Variants in GSK3B observed in about 807,000 individuals in gnomAD.
GSK3B encodes the protein glycogen synthase kinase-3 beta.
Under a neutral mutation model 56.4 loss-of-function variants are expected in GSK3B, and 15 were observed. That is an observed-to-expected ratio of 0.27 (90% CI 0.18 to 0.41). The LOEUF (loss-of-function observed/expected upper bound fraction) is 0.41, where lower values mean the gene tolerates loss of function less well. Ranked by LOEUF, GSK3B falls within the 10% of genes least tolerant of loss-of-function variation. The probability of loss-of-function intolerance (pLI) is 1.00; values close to 1 mark genes in which losing one functional copy is unlikely to be tolerated. For missense variants in GSK3B, 300 were observed against 513.4 expected (o/e 0.58, Z 4.02); for synonymous variants, 181 against 188.9 (o/e 0.96, Z 0.34).
intron 1 of GSK3B, among the ~76,000 whole-genome samples, chr3:120,018,645 A>G (rs2057847278): frequency 1.3e-5 from 2 of 152,236 alleles, no homozygotes; most frequent in Admixed American, 1.3e-4. Flanking sequence ...AATAATTTAC[A>G]TTCTAAAATA....
chr3:119,964,617 AGTT>A (rs1462005818), intron 2 of GSK3B, among the ~76,000 whole-genome samples: 2 of 152,282 alleles, frequency 1.3e-5, no homozygotes, highest in East Asian at 1.9e-4. Flanking sequence ...AGATATGGAG[AGTT>A]GTTGTTCAAC....
intron 2 of GSK3B, among the ~76,000 whole-genome samples, chr3:119,965,406 G>A (rs1003540988): frequency 2.0e-5 from 3 of 149,194 alleles, no homozygotes; most frequent in African/African-American, 7.4e-5. Context: ...CTCTATAAAA[G>A]AGACTAGGTT....
intron 1 of GSK3B, among the ~76,000 whole-genome samples, chr3:120,088,658 C>T (rs2058485864): frequency 6.6e-6 from 1 of 152,200 alleles, no homozygotes; most frequent in Non-Finnish European, 1.5e-5. Flanking sequence ...AAAAAATCAG[C>T]TAGAAAATGA....
chr3:119,930,451 T>C (rs1264997631), intron 3 of GSK3B, among the ~76,000 whole-genome samples: 2 of 152,052 alleles, frequency 1.3e-5, no homozygotes, highest in East Asian at 1.9e-4. Context: ...CATCATGGGA[T>C]AGATTTGGCT....
intron 1 of GSK3B, among the ~76,000 whole-genome samples, chr3:120,045,333 T>C (rs1012423452): frequency 4.6e-5 from 7 of 152,222 alleles, no homozygotes; most frequent in African/African-American, 1.4e-4. Context: ...CCATGCCTCC[T>C]TGCCTCTAGT....
intron 1 of GSK3B, among the ~76,000 whole-genome samples, chr3:120,052,679 A>T (rs1437284793): frequency 6.6e-6 from 1 of 152,238 alleles, no homozygotes; most frequent in East Asian, 1.9e-4. Context: ...TAAAATTTGC[A>T]ATATGACTCT....
intron 1 of GSK3B, among the ~76,000 whole-genome samples, chr3:120,089,277 G>A (rs1358760353): frequency 6.6e-6 from 1 of 152,136 alleles, no homozygotes; most frequent in Non-Finnish European, 1.5e-5. Context: ...ACAGGTGCAT[G>A]CAACAAGAAA....
intron 1 of GSK3B, among the ~76,000 whole-genome samples, chr3:120,038,874 TGAAA>T (rs564945121): frequency 4.1e-4 from 62 of 151,010 alleles, no homozygotes; most frequent in Admixed American, 7.2e-4. Flanking sequence ...TTCTGCTCTT[TGAAA>T]GAAAGACACT....
At chr3:119,892,484 T>C (rs767094741) in intron 7 of GSK3B, among the ~76,000 whole-genome samples, 2 of 152,196 alleles carry the variant, frequency 1.3e-5, no homozygotes, top group Non-Finnish European at 2.9e-5. Flanking sequence ...ACAGCACTAC[T>C]CTGAGTGAAA....
At chr3:120,068,923 T>C (rs1043007679) in intron 1 of GSK3B, among the ~76,000 whole-genome samples, 1 of 152,000 alleles carries the variant, frequency 6.6e-6, no homozygotes, top group Admixed American at 6.6e-5. Context: ...CACTATCTGT[T>C]TGGGAGTACC....
chr3:119,960,851 G>A (rs556967015), intron 2 of GSK3B, among the ~76,000 whole-genome samples: 1 of 152,098 alleles, frequency 6.6e-6, no homozygotes, highest in South Asian at 2.1e-4. Context: ...GCTTTAAAAT[G>A]ACATAGTTTT....
At chr3:119,852,672 C>G (rs1310330213) in intron 9 of GSK3B, among the ~76,000 whole-genome samples, 1 of 152,056 alleles carries the variant, frequency 6.6e-6, no homozygotes, top group Admixed American at 6.6e-5. Flanking sequence ...TAATGAAATG[C>G]AATAAATGAG....
chr3:120,045,542 T>G lies in GSK3B; in HGVS notation c.89-43303A>C, dbSNP rs148547087. Among the ~76,000 whole-genome samples, 4 of 152,244 alleles carry G rather than the reference T, an allele frequency of 2.6e-5. No individual in the cohort carries two copies. The East Asian group carries it at 7.7e-4, about 29-fold the overall frequency. On this transcript the variant is annotated intron_variant, in intron 1 of 10. Coordinates refer to ENST00000264235, the MANE Select transcript of GSK3B (RefSeq NM_001146156.2). ...TCACAAGTAGCCAATCAAGTCAGCTTAAATTGTGCGGTTCAACCCCAGCCC... is the reference window on the plus strand; with the variant it reads ...TCACAAGTAGCCAATCAAGTCAGCTGAAATTGTGCGGTTCAACCCCAGCCC...
At chr3:120,069,576 T>C (rs563255089) in intron 1 of GSK3B, among the ~76,000 whole-genome samples, 162 of 151,984 alleles carry the variant, frequency 1.1e-3, no homozygotes, top group African/African-American at 3.6e-3. Flanking sequence ...ATGTCCATCA[T>C]ATTTGAACAT....
intron 2 of GSK3B, among the ~76,000 whole-genome samples, chr3:119,947,719 A>G (rs573976217): frequency 1.3e-5 from 2 of 152,208 alleles, no homozygotes; most frequent in African/African-American, 4.8e-5. Context: ...GTCTCCCATG[A>G]ATTCAAAACT....
At chr3:119,838,955 G>A (rs2055732904) in intron 10 of GSK3B, among the ~76,000 whole-genome samples, 1 of 146,750 alleles carries the variant, frequency 6.8e-6, no homozygotes, top group Non-Finnish European at 1.5e-5. Context: ...ACAACAAAAG[G>A]AAAGTTGAAA....
intron 8 of GSK3B, among the ~76,000 whole-genome samples, chr3:119,866,245 C>T (rs747405687): frequency 9.2e-5 from 14 of 151,962 alleles, no homozygotes; most frequent in Non-Finnish European, 7.4e-5. Flanking sequence ...AAAGAAGCTT[C>T]CGCTGTCACT....
intron 2 of GSK3B, among the ~76,000 whole-genome samples, chr3:119,964,045 A>T (rs1025938792): frequency 1.3e-5 from 2 of 152,250 alleles, no homozygotes; most frequent in Admixed American, 6.5e-5. Context: ...ACAGCAAAAG[A>T]AACCATCAAC....
Position 120,021,516 on chromosome 3 carries a change from C to CA in GSK3B, c.89-19278dup, listed in dbSNP as rs529653038. On this transcript the variant is annotated intron_variant, in intron 1 of 10. Coordinates refer to ENST00000264235, the MANE Select transcript of GSK3B (RefSeq NM_001146156.2). ...GGGCAACAGAGTGAGACTCCATCTC[C>CA]AAAAAAAAAAAAAGAATATTCATGA... Among the ~76,000 whole-genome samples, 280 of 128,876 alleles carry CA rather than the reference C, an allele frequency of 2.2e-3. 1 individual carries two copies. Among genetic ancestry groups the CA allele is most frequent in the South Asian group, 3.7e-3 (15 of 4,060 alleles). 84.5% of individuals were successfully genotyped at this position (128,876 alleles called of 152,430 possible).
Sources: allele counts gnomAD v4.1 joint callset (sites outside exome capture counted in the v4.1 genomes callset), GRCh38; gene constraint gnomAD v4.1.1; transcripts MANE v1.5; gene names NCBI Gene and HGNC (gene_info 2026-07-23, HGNC 2026-07-21).